Variants in LEPR observed in about 807,000 individuals in gnomAD.
LEPR encodes the protein leptin receptor.
A neutral mutation model predicts 114.7 loss-of-function variants in LEPR; 56 were observed. That is an observed-to-expected ratio of 0.49 (90% CI 0.39 to 0.61). The LOEUF is 0.61. LEPR is among the 20% of genes least tolerant of loss of function. LEPR has a pLI of 0.00. For missense variants in LEPR, 1,202 were observed against 1,352.9 expected (o/e 0.89, Z 1.75); for synonymous variants, 443 against 461.4 (o/e 0.96, Z 0.51).
intron 19 of LEPR, among the ~76,000 whole-genome samples, chr1:65,631,808 C>T (rs1437358747): frequency 6.6e-6 from 1 of 151,966 alleles, no homozygotes; most frequent in African/African-American, 2.4e-5. Flanking sequence ...TGTTTTGCAC[C>T]TTTTTACCTT....
At chr1:65,500,637 T>G (rs1045408655) in intron 2 of LEPR, among the ~76,000 whole-genome samples, 1 of 152,192 alleles carries the variant, frequency 6.6e-6, no homozygotes, top group Non-Finnish European at 1.5e-5. Flanking sequence ...TTCTCTAGTT[T>G]AACTTACTGT....
intron 2 of LEPR, among the ~76,000 whole-genome samples, chr1:65,565,303 T>C: frequency 6.6e-6 from 1 of 152,208 alleles, no homozygotes; most frequent in Non-Finnish European, 1.5e-5. Context: ...TGTTATGGCA[T>C]AAAGGAACAT....
chr1:65,536,982 G>A (rs1464010320), intron 2 of LEPR, among the ~76,000 whole-genome samples: 1 of 152,086 alleles, frequency 6.6e-6, no homozygotes. Context: ...TGTCCAGTTG[G>A]TCATTAAGAA....
At chr1:65,555,587 T>C (rs530750528) in intron 2 of LEPR, among the ~76,000 whole-genome samples, 21 of 152,172 alleles carry the variant, frequency 1.4e-4, no homozygotes, top group Non-Finnish European at 2.4e-4. Context: ...TTTCAATTAG[T>C]TTACTTTGGA....
chr1:65,494,321 T>G (rs928081059), intron 2 of LEPR: 1 of 152,172 alleles, frequency 6.6e-6, no homozygotes, highest in Non-Finnish European at 1.5e-5. Context: ...AATGTGTCCC[T>G]TTACATCATA....
chr1:65,575,856 T>G (rs1654548521), intron 5 of LEPR, among the ~76,000 whole-genome samples: 1 of 151,446 alleles, frequency 6.6e-6, no homozygotes. Context: ...AAGAAATTCC[T>G]TAATAGAAGC....
intron 5 of LEPR, among the ~76,000 whole-genome samples, chr1:65,575,471 A>G (rs1478214202): frequency 1.3e-5 from 2 of 151,532 alleles, no homozygotes; most frequent in Non-Finnish European, 2.9e-5. Flanking sequence ...AAAAAAATCA[A>G]AAAGATCCTT....
In LEPR at chr1:65,592,807, C is replaced by T; in HGVS notation, c.645C>T (p.Ile215=). The change falls in exon 6 of 20, where the codon ATC becomes ATT. Residue 215 remains isoleucine (I), a synonymous_variant. Coordinates refer to ENST00000349533, the MANE Select transcript of LEPR (RefSeq NM_002303.6). The part of the protein sequence containing the change: ...LNDTLLMCLK[I]TSGGVIFQSP... ...ACACTCTCCTTATGTGTTTGAAAAT[C>T]ACATCTGGTGGAGTAATTTTCCAGT... 6.2e-7 allele frequency: 1 copy of T among 1,613,302 alleles called. No individual in the cohort carries two copies. Among genetic ancestry groups the T allele is most frequent in the South Asian group, 1.1e-5 (1 of 91,060 alleles).
chr1:65,528,933 T>C (rs1221507997), intron 2 of LEPR, among the ~76,000 whole-genome samples: 1 of 151,446 alleles, frequency 6.6e-6, no homozygotes, highest in East Asian at 1.9e-4. Flanking sequence ...GCCTCCCAAG[T>C]ATCTGGGATT....
At chr1:65,422,887 A>G (rs74081643) in intron 1 of LEPR, among the ~76,000 whole-genome samples, 5,511 of 152,242 alleles carry the variant, frequency 0.036, 348 homozygotes, top group African/African-American at 0.13. Context: ...GGTGATATAT[A>G]TAGTTGAAAG....
At chr1:65,524,427 C>T (rs1649796738) in intron 2 of LEPR, among the ~76,000 whole-genome samples, 1 of 152,168 alleles carries the variant, frequency 6.6e-6, no homozygotes, top group Admixed American at 6.5e-5. Flanking sequence ...GCTTCAACAA[C>T]TGGTCTGGAG....
At chr1:65,623,020 A>T in intron 19 of LEPR, 39 bp downstream of exon 19, 1 of 1,586,076 alleles carries the variant, frequency 6.3e-7, no homozygotes, top group Non-Finnish European at 8.6e-7. Flanking sequence ...AATATATACG[A>T]TTGCAATCTA....
At chr1:65,595,164 G>A (rs1038232943) in intron 6 of LEPR, among the ~76,000 whole-genome samples, 15 of 112,410 alleles carry the variant, frequency 1.3e-4, no homozygotes, top group African/African-American at 4.9e-4. Flanking sequence ...GGTTACAAGA[G>A]CTTGCTGCAG....
At chr1:65,547,089 G>C (rs929803032) in intron 2 of LEPR, among the ~76,000 whole-genome samples, 32 of 151,782 alleles carry the variant, frequency 2.1e-4, no homozygotes, top group Admixed American at 4.6e-4. Flanking sequence ...CTTTGGTTCT[G>C]TTTATATGCT....
At chr1:65,576,585 T>C (rs1654601911) in intron 5 of LEPR, 1 of 154,068 alleles carries the variant, frequency 6.5e-6, no homozygotes, top group African/African-American at 2.5e-5. Context: ...TCTGCATCTT[T>C]GGGTAAATAT....
At chr1:65,595,796 T>C (rs1656024357) in intron 6 of LEPR, among the ~76,000 whole-genome samples, 1 of 152,118 alleles carries the variant, frequency 6.6e-6, no homozygotes, top group South Asian at 2.1e-4. Context: ...TGGCGATCTT[T>C]ATATTTTAAC....
chr1:65,526,095 C>G, intron 2 of LEPR: 2 of 913,010 alleles, frequency 2.2e-6, no homozygotes, highest in African/African-American at 5.6e-5. Context: ...CTGGAGCGAA[C>G]CTGCTCGGGA....
chr1:65,477,297 C>T (rs1000183519), intron 2 of LEPR, among the ~76,000 whole-genome samples: 6 of 152,220 alleles, frequency 3.9e-5, no homozygotes, highest in Non-Finnish European at 7.3e-5. Context: ...CCCACTTCCA[C>T]ATACATACTA....
chr1:65,529,364 TA>T (rs1650214992), intron 2 of LEPR, among the ~76,000 whole-genome samples: 1 of 151,662 alleles, frequency 6.6e-6, no homozygotes, highest in South Asian at 2.1e-4. Flanking sequence ...ACTAAAAATA[TA>T]AAAAAATTTA....
Sources: allele counts gnomAD v4.1 joint callset (sites outside exome capture counted in the v4.1 genomes callset), GRCh38; gene constraint gnomAD v4.1.1; transcripts MANE v1.5; gene names NCBI Gene and HGNC (gene_info 2026-07-23, HGNC 2026-07-21).